RIOK2: variants seen among roughly 807,000 people sequenced by gnomAD.
The protein encoded by RIOK2 is serine/threonine-protein kinase RIO2.
RIOK2 carries 46 observed loss-of-function variants against 62.4 expected under a neutral mutation model. The observed-to-expected ratio is 0.74, with a 90% CI of 0.58 to 0.94. RIOK2 has a LOEUF of 0.94. Among genes scored for constraint, RIOK2 ranks in the 40% least tolerant of loss-of-function variants. The pLI is 0.00. For missense variants in RIOK2, 574 were observed against 658.0 expected (o/e 0.87, Z 1.40); for synonymous variants, 197 against 216.0 (o/e 0.91, Z 0.77).
intron 6 of RIOK2, 29 bp from the exon 7 acceptor site, chr5:97,168,881 A>T (rs752713574): frequency 7.3e-7 from 1 of 1,363,204 alleles, no homozygotes; most frequent in Non-Finnish European, 1.0e-6. Flanking sequence ...TTTATGATAT[A>T]GTCTTTATTG....
At chr5:97,174,264 A>C (rs757624781) in intron 4 of RIOK2, among the ~76,000 whole-genome samples, 55 of 151,982 alleles carry the variant, frequency 3.6e-4, no homozygotes, top group Non-Finnish European at 6.5e-4. Context: ...CTAAAAATAC[A>C]AAAAAATTAG....
intron 7 of RIOK2, among the ~76,000 whole-genome samples, 168 bp downstream of exon 7, chr5:97,168,592 G>A (rs1748909609): frequency 6.6e-6 from 1 of 152,046 alleles, no homozygotes; most frequent in Non-Finnish European, 1.5e-5. Context: ...CCAAATGCAG[G>A]TATTTTCAAG....
At chr5:97,171,463 A>T in intron 5 of RIOK2, 66 bp from the exon 6 acceptor site, 1 of 1,119,112 alleles carries the variant, frequency 8.9e-7, no homozygotes, top group Non-Finnish European at 1.2e-6. Flanking sequence ...GAAAGTATGT[A>T]TGCATGTGAA....
intron 4 of RIOK2, among the ~76,000 whole-genome samples, chr5:97,173,641 A>G (rs532176015): frequency 9.5e-4 from 144 of 152,332 alleles, no homozygotes; most frequent in Middle Eastern, 3.4e-3. Context: ...AGTCTCTGAC[A>G]TTTGTTGAAA....
At chr5:97,178,905 G>C in intron 2 of RIOK2, 150 bp downstream of exon 2, 4 of 838,634 alleles carry the variant, frequency 4.8e-6, no homozygotes, top group Non-Finnish European at 7.6e-6. Context: ...TGATTATTTT[G>C]ACTAATAGGA....
At chr5:97,177,360 T>G in intron 3 of RIOK2, 69 bp from the exon 4 acceptor site, 1 of 1,338,016 alleles carries the variant, frequency 7.5e-7, no homozygotes, top group South Asian at 1.4e-5. Flanking sequence ...AATTCTAACT[T>G]TCTCTAATTT....
chr5:97,172,704 C>G (rs1222732128), intron 5 of RIOK2, among the ~76,000 whole-genome samples: 1 of 152,212 alleles, frequency 6.6e-6, no homozygotes, highest in Non-Finnish European at 1.5e-5. Flanking sequence ...TAATCTGAAT[C>G]AAAATTTGAT....
chr5:97,181,884 TAGA>T (rs1561523159), intron 1 of RIOK2, among the ~76,000 whole-genome samples: 2 of 152,218 alleles, frequency 1.3e-5, no homozygotes, highest in Non-Finnish European at 2.9e-5. Flanking sequence ...TCCAGCTGAT[TAGA>T]AGAATCTACA....
intron 5 of RIOK2, among the ~76,000 whole-genome samples, chr5:97,171,901 T>C (rs1749019750): frequency 6.6e-6 from 1 of 152,108 alleles, no homozygotes; most frequent in Non-Finnish European, 1.5e-5. Context: ...AGATCACCCT[T>C]GTTGAGACTA....
At chr5:97,170,259 G>T (rs779913898) in intron 6 of RIOK2, among the ~76,000 whole-genome samples, 2 of 152,148 alleles carry the variant, frequency 1.3e-5, no homozygotes, top group Non-Finnish European at 2.9e-5. Flanking sequence ...AAAGGATAAG[G>T]TCCTGTTTCA....
chr5:97,178,338 C>CATGCTCTTCTGCAGTACCTAG (rs1749228080), intron 2 of RIOK2, among the ~76,000 whole-genome samples: 1 of 3,526 alleles, frequency 2.8e-4, no homozygotes, highest in African/African-American at 7.4e-4. Flanking sequence ...GCAGTACCTA[C>CATGCTCTTCTGCAGTACCTAG]ATGCTCTTCA....
At chr5:97,177,072 A>C in intron 4 of RIOK2, 44 bp downstream of exon 4, 1 of 1,529,366 alleles carries the variant, frequency 6.5e-7, no homozygotes, top group Non-Finnish European at 9.0e-7. Flanking sequence ...AGACACATGT[A>C]TTATTTGGCT....
chr5:97,171,503 C>A, intron 5 of RIOK2, 106 bp from the exon 6 acceptor site: 5 of 668,504 alleles, frequency 7.5e-6, no homozygotes, highest in East Asian at 3.3e-5. Flanking sequence ...CTGTGTATCC[C>A]CAGCAGCTTT....
At chr5:97,177,432 C>T in intron 3 of RIOK2, 141 bp from the exon 4 acceptor site, 1 of 794,324 alleles carries the variant, frequency 1.3e-6, no homozygotes, top group Non-Finnish European at 1.9e-6. Context: ...TATCCAAAAC[C>T]TTCGGACCAG....
At chr5:97,166,913 GTATA>G in intron 8 of RIOK2, 2 of 939,448 alleles carry the variant, frequency 2.1e-6, no homozygotes, top group Non-Finnish European at 2.5e-6. Flanking sequence ...TCATCAGTTT[GTATA>G]TATATATATA....
chr5:97,167,392 AC>A (rs1452204207), intron 8 of RIOK2, 74 bp downstream of exon 8: 5 of 1,537,870 alleles, frequency 3.3e-6, no homozygotes, highest in Non-Finnish European at 4.4e-6. Context: ...TTTGAAAAAA[AC>A]ATTCTTTTAC....
Position 97,171,415 on chromosome 5 carries a change from A to C in RIOK2, c.588-18T>G. 1 of 1,480,884 alleles carries C rather than the reference A, an allele frequency of 6.8e-7. No homozygotes were observed. The highest frequency in any genetic ancestry group is 9.0e-7 in the Non-Finnish European group (1 of 1,107,296). The allele number at this position is 1,480,884 out of a possible 1,614,324, so 91.7% of individuals were successfully genotyped here. On this transcript the variant is annotated intron_variant, in intron 5 of 9. Transcript: ENST00000283109. ...TCTGACATCTGAAAGTATTTTAAGCATGAAAATAGGTTACTTGTGTTCATT... is the reference window on the plus strand; with the variant it reads ...TCTGACATCTGAAAGTATTTTAAGCCTGAAAATAGGTTACTTGTGTTCATT...
chr5:97,163,540 G>T (rs992107048), intron 9 of RIOK2, among the ~76,000 whole-genome samples: 13 of 152,164 alleles, frequency 8.5e-5, no homozygotes, highest in Non-Finnish European at 1.9e-4. Context: ...TAGGCTTTTA[G>T]AGTAGATTTT....
In RIOK2 at chr5:97,161,551, A is replaced by G. The variant is rs1421076114; in HGVS notation, c.*1510T>C. The stretch of plus-strand genomic sequence containing the variant: ...GCACTAATCTTTGCCCAAATGAGGT[A>G]AGGCCTCCATTTCTGATTGGAATAA... On this transcript the variant is annotated 3_prime_UTR_variant, in exon 10 of 10. Transcript: ENST00000283109. 6.6e-6 allele frequency: 1 copy of G among 152,206 alleles called. No homozygotes were observed. The highest frequency in any genetic ancestry group is 1.9e-4 in the East Asian group (1 of 5,206). 9.4% of individuals were successfully genotyped at this position (152,206 alleles called of 1,614,324 possible).
Sources: allele counts gnomAD v4.1 joint callset (sites outside exome capture counted in the v4.1 genomes callset), GRCh38; gene constraint gnomAD v4.1.1; transcripts MANE v1.5; gene names NCBI Gene and HGNC (gene_info 2026-07-23, HGNC 2026-07-21).